The following FANCD2OS variants were observed in gnomAD, a reference collection of about 807,000 sequenced individuals.
FANCD2OS encodes the protein FANCD2 opposite strand.
FANCD2OS carries 11 observed loss-of-function variants against 13.2 expected under a neutral mutation model. The ratio of observed to expected loss-of-function variants is 0.83; its 90% CI spans 0.52 to 1.38. FANCD2OS has a LOEUF of 1.38. Among genes scored for constraint, FANCD2OS ranks in the 40% most tolerant of loss-of-function variants. The probability of loss-of-function intolerance (pLI) is 0.00; values close to 1 mark genes in which losing one functional copy is unlikely to be tolerated. For synonymous variants in FANCD2OS, 69 were observed against 84.5 expected (o/e 0.82, Z 1.01); for missense variants, 217 against 213.9 (o/e 1.01, Z -0.09).
chr3:10,091,014 G>C (rs919634978), intron 2 of FANCD2OS, among the ~76,000 whole-genome samples: 1 of 151,928 alleles, frequency 6.6e-6, no homozygotes, highest in African/African-American at 2.4e-5. Context: ...AACCAGAACG[G>C]AGCTAGACAA....
chr3:10,085,199 C>G (rs1694109584), intron 2 of FANCD2OS, among the ~76,000 whole-genome samples: 2 of 151,950 alleles, frequency 1.3e-5, no homozygotes, highest in South Asian at 2.1e-4. Context: ...AGCTTTTTGC[C>G]CTTCAAAGTA....
chr3:10,088,800 T>G (rs1413909810), intron 2 of FANCD2OS: 1 of 1,612,662 alleles, frequency 6.2e-7, no homozygotes, highest in African/African-American at 1.3e-5. Flanking sequence ...TGTTAATTAG[T>G]GGGTCAAATA....
At chr3:10,098,958 T>A, downstream of FANCD2OS, 1 of 1,614,204 alleles carries the variant, frequency 6.2e-7, no homozygotes, top group Non-Finnish European at 8.5e-7. Flanking sequence ...TAACAGCTTC[T>A]GTGCTTATAT....
In FANCD2OS at chr3:10,104,068, G is replaced by C; in HGVS notation, c.*173C>G. ...TGTTCTTCCTTGTTCTCTATCATTG[G>C]TCCTTTTTTGGAGGGGAAGGGATGA... On this transcript the variant is annotated 3_prime_UTR_variant, in exon 2 of 2. Transcript: ENST00000450660. The C allele has an allele frequency of 1.6e-6, 1 of 607,558 alleles. No individual in the cohort carries two copies. Among genetic ancestry groups the C allele is most frequent in the East Asian group, 2.8e-5 (1 of 35,642 alleles). The allele number at this position is 607,558 out of a possible 1,614,324, so 37.6% of individuals were successfully genotyped here.
chr3:10,083,413 T>C (rs972932964), intron 2 of FANCD2OS: 12 of 152,122 alleles, frequency 7.9e-5, no homozygotes, highest in African/African-American at 2.7e-4. Flanking sequence ...TCAAAAAGAC[T>C]TAGCATGCCA....
intron 2 of FANCD2OS, chr3:10,087,298 T>TTTTTAA: frequency 6.4e-7 from 1 of 1,567,624 alleles, no homozygotes; most frequent in Non-Finnish European, 8.6e-7. Flanking sequence ...TTTTTTTTTT[T>TTTTTAA]TTAATGAATA....
rs1693831303 is a variant in FANCD2OS at position 10,081,480 on chromosome 3, G to T, written c.*95C>A. The T allele has an allele frequency of 1.3e-6, 2 of 1,530,720 alleles. No homozygotes were observed. The highest frequency in any genetic ancestry group is 9.1e-7 in the Non-Finnish European group (1 of 1,103,974). 94.8% of individuals were successfully genotyped at this position (1,530,720 alleles called of 1,614,324 possible). A position where few individuals can be genotyped will look rare whatever the true frequency, so the allele number is the denominator to read the frequency against. ...TTTTTGCTTGGTAAGTATGTGGGAA[G>T]TGTGGAGAGAACTGAGTATATACTT... On this transcript the variant is annotated 3_prime_UTR_variant, in exon 3 of 3. Coordinates refer to the FANCD2OS transcript ENST00000524279.
At chr3:10,104,913 A>G in intron 1 of FANCD2OS, 131 bp from the exon 2 acceptor site, 1 of 590,672 alleles carries the variant, frequency 1.7e-6, no homozygotes, top group African/African-American at 1.9e-5. Context: ...AGATTCCAAC[A>G]GGTGTTAGGA....
intron 2 of FANCD2OS, among the ~76,000 whole-genome samples, chr3:10,090,661 T>C (rs1274629251): frequency 6.6e-6 from 1 of 152,080 alleles, no homozygotes; most frequent in Non-Finnish European, 1.5e-5. Flanking sequence ...GGTTTCACCA[T>C]GTTGGCCAGG....
intron 1 of FANCD2OS, among the ~76,000 whole-genome samples, chr3:10,105,773 T>A (rs1203996147): frequency 0.038 from 53 of 1,386 alleles, 7 homozygotes; most frequent in African/African-American, 0.15. Flanking sequence ...AAAAAAAAAT[T>A]ATATATATAT....
chr3:10,102,539 A>G (rs921405987), downstream of FANCD2OS, among the ~76,000 whole-genome samples: 3 of 152,166 alleles, frequency 2.0e-5, no homozygotes, highest in African/African-American at 7.2e-5. Flanking sequence ...AAGACCAAAA[A>G]AAAAGCTGGG....
chr3:10,101,257 G>C (rs772618957), downstream of FANCD2OS: 6 of 1,605,592 alleles, frequency 3.7e-6, no homozygotes, highest in African/African-American at 6.7e-5. Flanking sequence ...TGATGACTCT[G>C]ATTAGACCCC....
intron 2 of FANCD2OS, chr3:10,095,369 A>G (rs1293819753): frequency 3.0e-6 from 3 of 1,007,102 alleles, no homozygotes; most frequent in Non-Finnish European, 4.6e-6. Flanking sequence ...TTCTTCCTTT[A>G]TATCTGGGAC....
chr3:10,107,534 T>C (rs1298759008), intron 1 of FANCD2OS, among the ~76,000 whole-genome samples: 2 of 151,678 alleles, frequency 1.3e-5, no homozygotes, highest in Non-Finnish European at 2.9e-5. Context: ...GATCCGCCCG[T>C]CTCGGCCTCC....
At chr3:10,104,820 A>G (rs780375354) in intron 1 of FANCD2OS, 38 bp from the exon 2 acceptor site, 2 of 1,512,934 alleles carry the variant, frequency 1.3e-6, no homozygotes, top group East Asian at 2.3e-5. Flanking sequence ...TTTCCCTGAC[A>G]TGCTTTTCAT....
At chr3:10,093,996 A>G (rs1258429944) in intron 2 of FANCD2OS, among the ~76,000 whole-genome samples, 3 of 152,174 alleles carry the variant, frequency 2.0e-5, no homozygotes, top group African/African-American at 7.2e-5. Flanking sequence ...AGTTATCCTC[A>G]GATAGAGCTC....
At chr3:10,104,899 G>T in intron 1 of FANCD2OS, 117 bp from the exon 2 acceptor site, 1 of 755,988 alleles carries the variant, frequency 1.3e-6, no homozygotes, top group East Asian at 2.7e-5. Flanking sequence ...TAGTTCCCAT[G>T]AATAGATTCC....
downstream of FANCD2OS, chr3:10,098,825 C>G (rs1695133087): frequency 6.2e-7 from 1 of 1,614,076 alleles, no homozygotes; most frequent in Non-Finnish European, 8.5e-7. Flanking sequence ...GGTATCTCTA[C>G]AAAACCCACC....
At chr3:10,096,229 G>T (rs1434196443) in intron 2 of FANCD2OS, 2 of 1,303,026 alleles carry the variant, frequency 1.5e-6, no homozygotes, top group Non-Finnish European at 2.2e-6. Context: ...ATACTGGCAG[G>T]GCTTGTGTTC....
Sources: allele counts gnomAD v4.1 joint callset (sites outside exome capture counted in the v4.1 genomes callset), GRCh38; gene constraint gnomAD v4.1.1; transcripts MANE v1.5; gene names NCBI Gene and HGNC (gene_info 2026-07-23, HGNC 2026-07-21).